The following MICU1 variants were observed in gnomAD, a reference collection of about 807,000 sequenced individuals.
The protein encoded by MICU1 is calcium uptake protein 1, mitochondrial.
MICU1 carries 45 observed loss-of-function variants against 56.8 expected under a neutral mutation model. The ratio of observed to expected loss-of-function variants is 0.79; its 90% confidence interval spans 0.62 to 1.02. MICU1 has a LOEUF of 1.02. Ranked by LOEUF, MICU1 falls within the 50% of genes least tolerant of loss-of-function variation. The probability of loss-of-function intolerance (pLI) is 0.00; values close to 1 mark genes in which losing one functional copy is unlikely to be tolerated. For synonymous variants in MICU1, 186 were observed against 195.1 expected (o/e 0.95, Z 0.39); for missense variants, 504 against 587.1 (o/e 0.86, Z 1.46).
chr10:72,576,059 CA>C (rs1275376586), intron 1 of MICU1, among the ~76,000 whole-genome samples: 78 of 151,760 alleles, frequency 5.1e-4, no homozygotes, highest in Non-Finnish European at 5.9e-5. Flanking sequence ...ACTAAAAATA[CA>C]AAAATTAGCT....
At chr10:72,535,692 G>T (rs1459048010) in intron 4 of MICU1, among the ~76,000 whole-genome samples, 1 of 152,000 alleles carries the variant, frequency 6.6e-6, no homozygotes, top group Non-Finnish European at 1.5e-5. Flanking sequence ...AATCTTCCTG[G>T]TCCCTTACAA....
intron 6 of MICU1, among the ~76,000 whole-genome samples, chr10:72,482,055 A>T (rs1462816509): frequency 6.6e-6 from 1 of 152,226 alleles, no homozygotes; most frequent in Non-Finnish European, 1.5e-5. Flanking sequence ...TTTAGTAAAG[A>T]GAAAAAACCA....
At chr10:72,425,498 A>G (rs1864318306) in intron 8 of MICU1, among the ~76,000 whole-genome samples, 2 of 152,230 alleles carry the variant, frequency 1.3e-5, no homozygotes, top group Non-Finnish European at 2.9e-5. Context: ...TTCCAAGATT[A>G]GCATTTTTAC....
intron 5 of MICU1, among the ~76,000 whole-genome samples, chr10:72,511,243 T>C (rs1032344439): frequency 4.6e-5 from 7 of 152,226 alleles, no homozygotes; most frequent in African/African-American, 1.7e-4. Context: ...CAATATTTAA[T>C]TCCTTTTTAT....
chr10:72,584,806 T>C (rs1225076946), intron 1 of MICU1, among the ~76,000 whole-genome samples: 1 of 151,942 alleles, frequency 6.6e-6, no homozygotes, highest in African/African-American at 2.4e-5. Flanking sequence ...CCTCCCAAAG[T>C]GCTGGGATTA....
intron 6 of MICU1, among the ~76,000 whole-genome samples, chr10:72,487,155 A>G (rs1418685191): frequency 6.6e-6 from 1 of 152,190 alleles, no homozygotes; most frequent in Non-Finnish European, 1.5e-5. Context: ...TGAAGCCCAC[A>G]GTGTGGCAGA....
At chr10:72,435,051 A>T (rs2132166366) in intron 8 of MICU1, among the ~76,000 whole-genome samples, 1 of 152,210 alleles carries the variant, frequency 6.6e-6, no homozygotes, top group South Asian at 2.1e-4. Context: ...TCCATAGTTG[A>T]TTATCTCCTC....
rs148260467 is a variant in MICU1, at chr10:72,470,698, G to T, written c.933+4402C>A. 4.7e-5 allele frequency among the ~76,000 whole-genome samples: 7 copies of T among 148,948 alleles called. No homozygotes were observed. In the East Asian group the frequency reaches 1.4e-3, roughly 30 times the overall value. ...AACAGCAATTAAATTTCCAATACAT[G>T]AACTTTGATCGGGGGGGGTGAGGTG... On this transcript the variant is annotated intron_variant, in intron 8 of 11. Transcript: ENST00000361114.
chr10:72,433,709 C>T (rs943166146), intron 8 of MICU1, among the ~76,000 whole-genome samples: 5 of 152,180 alleles, frequency 3.3e-5, no homozygotes, highest in Admixed American at 2.0e-4. Context: ...GGATTACAGG[C>T]GTGAGGCACC....
At chr10:72,377,339 T>C (rs1461992337) in intron 10 of MICU1, among the ~76,000 whole-genome samples, 1 of 152,118 alleles carries the variant, frequency 6.6e-6, no homozygotes, top group Non-Finnish European at 1.5e-5. Flanking sequence ...AGGGTGGTCT[T>C]GAACTCCTGA....
At chr10:72,471,989 C>T (rs1221686046) in intron 8 of MICU1, among the ~76,000 whole-genome samples, 2 of 151,682 alleles carry the variant, frequency 1.3e-5, no homozygotes, top group Non-Finnish European at 2.9e-5. Flanking sequence ...TATAAAAATA[C>T]CCAATATAAA....
intron 5 of MICU1, among the ~76,000 whole-genome samples, chr10:72,530,814 AC>A (rs961061308): frequency 4.3e-4 from 65 of 152,296 alleles, no homozygotes; most frequent in African/African-American, 1.5e-3. Context: ...TGTCTTATTT[AC>A]TTCTTACAGG....
intron 1 of MICU1, among the ~76,000 whole-genome samples, chr10:72,569,001 G>T (rs1221832260): frequency 6.7e-6 from 1 of 150,124 alleles, no homozygotes; most frequent in Admixed American, 6.6e-5. Context: ...TGATCCATCC[G>T]CCTCGGCCTC....
intron 1 of MICU1, among the ~76,000 whole-genome samples, chr10:72,602,308 G>A (rs575235245): frequency 2.2e-4 from 33 of 151,472 alleles, no homozygotes; most frequent in Non-Finnish European, 3.7e-4. Context: ...AAAATTAGCC[G>A]AGTGTGGTGG....
At chr10:72,457,931 A>G (rs1167535950) in intron 8 of MICU1, among the ~76,000 whole-genome samples, 2 of 152,060 alleles carry the variant, frequency 1.3e-5, no homozygotes. Context: ...CACTTTGGGA[A>G]GCCGAGGCGG....
intron 1 of MICU1, among the ~76,000 whole-genome samples, chr10:72,615,814 C>A (rs1406306627): frequency 6.6e-6 from 1 of 152,040 alleles, no homozygotes; most frequent in Non-Finnish European, 1.5e-5. Context: ...CACAGTGAAA[C>A]CCTGTCTCTA....
intron 6 of MICU1, chr10:72,483,349 T>G (rs556402065): frequency 3.7e-5 from 6 of 163,734 alleles, no homozygotes; most frequent in Non-Finnish European, 5.3e-5. Flanking sequence ...TGGCTCCTGG[T>G]TGTCCAGCTT....
intron 9 of MICU1, among the ~76,000 whole-genome samples, chr10:72,421,627 G>A (rs973946804): frequency 6.6e-6 from 1 of 152,160 alleles, no homozygotes; most frequent in Non-Finnish European, 1.5e-5. Flanking sequence ...GGGTACCAGA[G>A]AGCAGTGTTG....
At chr10:72,573,130 G>A (rs1305307644) in intron 1 of MICU1, among the ~76,000 whole-genome samples, 4 of 151,712 alleles carry the variant, frequency 2.6e-5, no homozygotes, top group African/African-American at 9.7e-5. Context: ...AAGAGAATGA[G>A]AAAACTTTAT....
Sources: allele counts gnomAD v4.1 joint callset (sites outside exome capture counted in the v4.1 genomes callset), GRCh38; gene constraint gnomAD v4.1.1; transcripts MANE v1.5; gene names NCBI Gene and HGNC (gene_info 2026-07-23, HGNC 2026-07-21).